Variants in MINDY2 observed in about 807,000 individuals in gnomAD.
MINDY2 encodes ubiquitin carboxyl-terminal hydrolase MINDY-2.
Under a neutral mutation model 68.2 loss-of-function variants are expected in MINDY2, and 52 were observed. That is an observed-to-expected ratio of 0.76 (90% CI 0.61 to 0.96). The LOEUF is 0.96. Ranked by LOEUF, MINDY2 falls within the 40% of genes least tolerant of loss-of-function variation. The pLI is 0.00. For missense variants in MINDY2, 881 were observed against 773.4 expected (o/e 1.14, Z -1.65); for synonymous variants, 372 against 303.0 (o/e 1.23, Z -2.36).
chr15:58,833,943 A>C (rs999198788), intron 6 of MINDY2, among the ~76,000 whole-genome samples: 13 of 152,104 alleles, frequency 8.5e-5, no homozygotes, highest in Non-Finnish European at 1.5e-4. Flanking sequence ...TCAGACTATC[A>C]CATGGGGAGA....
chr15:58,836,732 G>T lies in MINDY2; in HGVS notation c.1368+4816G>T, dbSNP rs998002952. ...CTCCTGGGTTCAAGCGATCCTCATG[G>T]CTCAGCCTCCCAAGCAACTGGGACT... On this transcript the variant is annotated intron_variant, in intron 6 of 8. Coordinates refer to ENST00000559228, the MANE Select transcript of MINDY2 (RefSeq NM_001040450.3). Among the ~76,000 whole-genome samples the T allele has an allele frequency of 4.1e-4, 62 of 151,988 alleles. 1 individual carries two copies. Among genetic ancestry groups the T allele is most frequent in the African/African-American group, 1.4e-3 (60 of 41,452 alleles).
chr15:58,792,122 A>C (rs1406791251), intron 2 of MINDY2, among the ~76,000 whole-genome samples: 1 of 152,176 alleles, frequency 6.6e-6, no homozygotes, highest in Non-Finnish European at 1.5e-5. Context: ...TATGGAATGA[A>C]AACCTGACTG....
chr15:58,784,195 G>A (rs979937660), intron 1 of MINDY2, among the ~76,000 whole-genome samples: 7 of 151,936 alleles, frequency 4.6e-5, no homozygotes, highest in African/African-American at 1.7e-4. Flanking sequence ...GTGTGGTGGT[G>A]CGTGCCTGTA....
At chr15:58,846,536 T>C (rs1338086514) in intron 6 of MINDY2, among the ~76,000 whole-genome samples, 1 of 141,374 alleles carries the variant, frequency 7.1e-6, no homozygotes, top group Non-Finnish European at 1.5e-5. Flanking sequence ...GAGGTTGCAG[T>C]GAGCTGAGGT....
At position 58,841,128 on chromosome 15, in the gene MINDY2, C is replaced by T. The variant is rs374710177; in HGVS notation, c.1369-6169C>T. On this transcript the variant is annotated intron_variant, in intron 6 of 8. Coordinates refer to ENST00000559228, the MANE Select transcript of MINDY2 (RefSeq NM_001040450.3). ...TCCTGAGTAGCTGGGATTATAGGCG[C>T]GCACCACCATGTCCAGCTAATTTTT... Among the ~76,000 whole-genome samples, 15 of 151,498 alleles carry T rather than the reference C, an allele frequency of 9.9e-5. No individual in the cohort carries two copies. In the East Asian group the frequency reaches 1.8e-3, roughly 18 times the overall value.
chr15:58,784,291 G>A (rs934258855), intron 1 of MINDY2, among the ~76,000 whole-genome samples: 4 of 151,912 alleles, frequency 2.6e-5, no homozygotes, highest in South Asian at 2.1e-4. Flanking sequence ...CTGCCACTGC[G>A]ATCCAGCCTG....
chr15:58,816,541 G>A (rs1451513535), intron 4 of MINDY2, among the ~76,000 whole-genome samples: 1 of 151,830 alleles, frequency 6.6e-6, no homozygotes, highest in Non-Finnish European at 1.5e-5. Flanking sequence ...AAGTAGCTGG[G>A]GCTGCAGTTG....
At chr15:58,845,499 T>C (rs1308992903) in intron 6 of MINDY2, among the ~76,000 whole-genome samples, 2 of 152,144 alleles carry the variant, frequency 1.3e-5, no homozygotes, top group Non-Finnish European at 2.9e-5. Flanking sequence ...CTATGAGATA[T>C]CATCTCACCC....
At chr15:58,847,867 G>A (rs1465015316) in intron 7 of MINDY2, among the ~76,000 whole-genome samples, 3 of 152,216 alleles carry the variant, frequency 2.0e-5, no homozygotes, top group African/African-American at 7.2e-5. Flanking sequence ...AGCCTTGGGT[G>A]GTAGAGATGA....
At chr15:58,825,756 C>G (rs76407709) in intron 5 of MINDY2, among the ~76,000 whole-genome samples, 5,045 of 152,212 alleles carry the variant, frequency 0.033, 298 homozygotes, top group African/African-American at 0.11. Context: ...CAGGCTCACG[C>G]CACCACGCTG....
intron 2 of MINDY2, among the ~76,000 whole-genome samples, chr15:58,791,108 C>A (rs1338971612): frequency 1.4e-5 from 2 of 145,968 alleles, no homozygotes; most frequent in African/African-American, 5.0e-5. Flanking sequence ...TGAACCCAGG[C>A]GGCGGAGGTT....
At chr15:58,819,914 C>T (rs374988159) in intron 4 of MINDY2, among the ~76,000 whole-genome samples, 2 of 152,136 alleles carry the variant, frequency 1.3e-5, no homozygotes, top group South Asian at 2.1e-4. Flanking sequence ...AAGGATTTGG[C>T]ACTGCATCAA....
At chr15:58,798,446 C>T (rs1902427086) in intron 2 of MINDY2, among the ~76,000 whole-genome samples, 1 of 138,946 alleles carries the variant, frequency 7.2e-6, no homozygotes, top group Non-Finnish European at 1.5e-5. Flanking sequence ...TTTTTTAATG[C>T]AGTAAAAAAA....
intron 1 of MINDY2, among the ~76,000 whole-genome samples, chr15:58,784,900 G>T (rs951951451): frequency 1.8e-4 from 28 of 151,782 alleles, no homozygotes; most frequent in Admixed American, 4.6e-4. Flanking sequence ...CTCCCAAAGT[G>T]CTGGGACTGT....
intron 4 of MINDY2, among the ~76,000 whole-genome samples, chr15:58,816,284 G>T (rs978496148): frequency 6.6e-6 from 1 of 152,204 alleles, no homozygotes; most frequent in African/African-American, 2.4e-5. Flanking sequence ...GTCTCAACAT[G>T]TCCAGCAGTT....
At chr15:58,780,472 C>T (rs933403153) in intron 1 of MINDY2, among the ~76,000 whole-genome samples, 5 of 151,966 alleles carry the variant, frequency 3.3e-5, no homozygotes, top group Admixed American at 6.6e-5. Flanking sequence ...GATTATCACC[C>T]ACTCTAGAAC....
chr15:58,819,878 T>C (rs1396557573), intron 4 of MINDY2, among the ~76,000 whole-genome samples: 1 of 152,202 alleles, frequency 6.6e-6, no homozygotes, highest in Non-Finnish European at 1.5e-5. Flanking sequence ...CATAGAATCT[T>C]ATCCCAAGGA....
At chr15:58,827,422 T>C (rs1424025710) in intron 5 of MINDY2, among the ~76,000 whole-genome samples, 1 of 152,192 alleles carries the variant, frequency 6.6e-6, no homozygotes, top group South Asian at 2.1e-4. Context: ...TTCCTTCTCC[T>C]CTTTCCCCAT....
At chr15:58,774,554 C>G (rs2140886814) in intron 1 of MINDY2, among the ~76,000 whole-genome samples, 1 of 150,002 alleles carries the variant, frequency 6.7e-6, no homozygotes, top group East Asian at 2.0e-4. Flanking sequence ...CCTCGTGTAG[C>G]TGACTATCTA....
Sources: gnomAD v4.1 joint callset for allele counts (sites outside exome capture counted in the v4.1 genomes callset) on GRCh38, gnomAD v4.1.1 for gene constraint, MANE v1.5 for transcripts, NCBI Gene and HGNC (gene_info 2026-07-23, HGNC 2026-07-21) for gene names.